The following EPHA6 variants were observed in gnomAD, a reference collection of about 807,000 sequenced individuals.
EPHA6 encodes the protein ephrin type-A receptor 6.
Under a neutral mutation model 112.0 loss-of-function variants are expected in EPHA6, and 50 were observed. The ratio of observed to expected loss-of-function variants is 0.45; its 90% CI spans 0.36 to 0.56. The LOEUF (loss-of-function observed/expected upper bound fraction) is 0.56, where lower values mean the gene tolerates loss of function less well. Ranked by LOEUF, EPHA6 falls within the 20% of genes least tolerant of loss-of-function variation. EPHA6 has a pLI of 0.00. For missense variants in EPHA6, 1,280 were observed against 1,417.4 expected (o/e 0.90, Z 1.56); for synonymous variants, 529 against 490.7 (o/e 1.08, Z -1.03).
At chr3:97,004,968 C>A (rs1282164734) in intron 3 of EPHA6, among the ~76,000 whole-genome samples, 1 of 152,076 alleles carries the variant, frequency 6.6e-6, no homozygotes, top group Non-Finnish European at 1.5e-5. Flanking sequence ...ATCCTTTGGT[C>A]TATATGTCTG....
intron 9 of EPHA6, among the ~76,000 whole-genome samples, chr3:97,482,705 G>C (rs140291020): frequency 6.6e-6 from 1 of 152,128 alleles, no homozygotes; most frequent in Non-Finnish European, 1.5e-5. Context: ...TGATTTTTTT[G>C]TTTATATGTT....
intron 5 of EPHA6, among the ~76,000 whole-genome samples, chr3:97,396,615 G>A (rs1412791212): frequency 6.6e-6 from 1 of 151,472 alleles, no homozygotes; most frequent in Non-Finnish European, 1.5e-5. Flanking sequence ...AGTAAAAAAT[G>A]TAATTTTTCA....
At position 97,753,598 on chromosome 3, in the gene EPHA6, T is replaced by C. The variant is rs950561101; in HGVS notation, c.*4897T>C. Reference sequence around the variant, plus strand: ...GTATATGGATTCACTACCTCAAAGGTGCCTCCTGTTAGAAAACATTAGCTT... The same window carrying C: ...GTATATGGATTCACTACCTCAAAGGCGCCTCCTGTTAGAAAACATTAGCTT... On this transcript the variant is annotated 3_prime_UTR_variant, in exon 18 of 18. Coordinates refer to ENST00000389672, the MANE Select transcript of EPHA6 (RefSeq NM_001080448.3). Among the ~76,000 whole-genome samples the C allele has an allele frequency of 6.6e-6, 1 of 152,198 alleles. No individual in the cohort carries two copies. Among genetic ancestry groups the C allele is most frequent in the African/African-American group, 2.4e-5 (1 of 41,442 alleles).
chr3:97,512,274 A>C (rs993912102), intron 10 of EPHA6, among the ~76,000 whole-genome samples: 1 of 150,838 alleles, frequency 6.6e-6, no homozygotes, highest in African/African-American at 2.4e-5. Context: ...GTAATTATCT[A>C]TGAGTATTTT....
intron 5 of EPHA6, among the ~76,000 whole-genome samples, chr3:97,311,573 G>T (rs547597551): frequency 1.3e-5 from 2 of 151,574 alleles, no homozygotes; most frequent in East Asian, 3.9e-4. Flanking sequence ...AATTGCATTG[G>T]CAACTTCAAA....
chr3:97,187,952 A>T (rs2077200797), intron 3 of EPHA6, among the ~76,000 whole-genome samples: 1 of 152,088 alleles, frequency 6.6e-6, no homozygotes, highest in African/African-American at 2.4e-5. Context: ...AGAATGAGAC[A>T]CCATTTGACA....
intron 2 of EPHA6, among the ~76,000 whole-genome samples, chr3:96,943,490 G>C (rs1451967475): frequency 6.6e-6 from 1 of 152,138 alleles, no homozygotes. Context: ...GCTTTTGAAA[G>C]TGTAGTGACT....
intron 2 of EPHA6, among the ~76,000 whole-genome samples, chr3:96,923,102 C>T (rs565511977): frequency 2.2e-4 from 33 of 152,184 alleles, no homozygotes; most frequent in Non-Finnish European, 4.6e-4. Flanking sequence ...AGTGAACATA[C>T]GCATGCATGT....
chr3:97,190,896 G>A (rs1376981701), intron 3 of EPHA6, among the ~76,000 whole-genome samples: 4 of 152,062 alleles, frequency 2.6e-5, no homozygotes, highest in Non-Finnish European at 5.9e-5. Context: ...CAATTTTCAA[G>A]TGTGTAATGT....
chr3:97,230,618 T>C (rs2078495680), intron 4 of EPHA6, among the ~76,000 whole-genome samples: 1 of 152,156 alleles, frequency 6.6e-6, no homozygotes, highest in Non-Finnish European at 1.5e-5. Context: ...TAGTTCTTAG[T>C]TGAGACAGAC....
chr3:97,331,532 A>T (rs1275335042), intron 5 of EPHA6, among the ~76,000 whole-genome samples: 2 of 152,206 alleles, frequency 1.3e-5, no homozygotes, highest in Admixed American at 6.5e-5. Context: ...AGAAGAATCA[A>T]ATAGATGCAA....
chr3:97,032,778 C>T (rs1245008940), intron 3 of EPHA6, among the ~76,000 whole-genome samples: 3 of 151,938 alleles, frequency 2.0e-5, no homozygotes, highest in Non-Finnish European at 2.9e-5. Flanking sequence ...TACAAATATT[C>T]AACCCCAGAC....
At chr3:96,968,590 C>A (rs1350630435) in intron 2 of EPHA6, among the ~76,000 whole-genome samples, 1 of 151,670 alleles carries the variant, frequency 6.6e-6, no homozygotes, top group East Asian at 1.9e-4. Flanking sequence ...ACAAAAGTAC[C>A]TAAGTACATT....
intron 5 of EPHA6, among the ~76,000 whole-genome samples, chr3:97,298,187 A>G (rs1023208332): frequency 2.6e-5 from 4 of 152,220 alleles, no homozygotes; most frequent in Admixed American, 2.6e-4. Flanking sequence ...TGTTGTACCA[A>G]AACATGATAT....
At chr3:96,862,277 T>C (rs1444074180) in intron 1 of EPHA6, among the ~76,000 whole-genome samples, 1 of 151,894 alleles carries the variant, frequency 6.6e-6, no homozygotes, top group African/African-American at 2.4e-5. Context: ...TTACAGTTAG[T>C]GGAACATAGA....
At chr3:97,345,491 A>C (rs1577044588) in intron 5 of EPHA6, among the ~76,000 whole-genome samples, 1 of 152,162 alleles carries the variant, frequency 6.6e-6, no homozygotes, top group Non-Finnish European at 1.5e-5. Flanking sequence ...TTTGATGACA[A>C]TGTGATTCTT....
intron 6 of EPHA6, among the ~76,000 whole-genome samples, chr3:97,437,092 G>T (rs1457124760): frequency 6.6e-6 from 1 of 151,416 alleles, no homozygotes; most frequent in Non-Finnish European, 1.5e-5. Flanking sequence ...ATTAGTGTTG[G>T]TGTATTTTAT....
At chr3:97,591,718 A>G (rs534714558) in intron 11 of EPHA6, among the ~76,000 whole-genome samples, 1 of 152,320 alleles carries the variant, frequency 6.6e-6, no homozygotes, top group African/African-American at 2.4e-5. Flanking sequence ...TTATGATGTT[A>G]CTATTCCAAA....
chr3:96,851,424 C>T (rs564703039), intron 1 of EPHA6, among the ~76,000 whole-genome samples: 10 of 152,216 alleles, frequency 6.6e-5, no homozygotes, highest in South Asian at 4.1e-4. Context: ...TAATTTTTTA[C>T]GCCAAGGCTA....
Sources: gnomAD v4.1 joint callset for allele counts (sites outside exome capture counted in the v4.1 genomes callset) on GRCh38, gnomAD v4.1.1 for gene constraint, MANE v1.5 for transcripts, NCBI Gene and HGNC (gene_info 2026-07-23, HGNC 2026-07-21) for gene names.